The following CALN1 variants were observed in gnomAD, a reference collection of about 807,000 sequenced individuals.
CALN1 encodes the protein calneuron 1.
In CALN1, 17 loss-of-function variants were observed where a neutral mutation model predicts 30.6. The observed-to-expected ratio is 0.56, with a 90% CI of 0.38 to 0.83. CALN1 has a LOEUF of 0.83. Ranked by LOEUF, CALN1 falls within the 40% of genes least tolerant of loss-of-function variation. The pLI is 0.00. For synonymous variants in CALN1, 156 were observed against 131.4 expected, an observed-to-expected ratio of 1.19 and a Z score of -1.28; for missense variants, 291 against 354.9, an observed-to-expected ratio of 0.82 and a Z score of 1.45.
chr7:72,286,123 CAG>C (rs951119726), intron 2 of CALN1, among the ~76,000 whole-genome samples: 3 of 152,152 alleles, frequency 2.0e-5, no homozygotes, highest in African/African-American at 7.2e-5. Context: ...GACGGAATAA[CAG>C]AGTCAGATAG....
intron 5 of CALN1, among the ~76,000 whole-genome samples, chr7:72,009,126 G>C (rs1799935434): frequency 6.6e-6 from 1 of 152,050 alleles, no homozygotes; most frequent in Non-Finnish European, 1.5e-5. Context: ...AAACAAAAAA[G>C]CAGTTTATGA....
chr7:72,336,713 G>A (rs1049912268), intron 2 of CALN1: 1 of 985,172 alleles, frequency 1.0e-6, no homozygotes, highest in Non-Finnish European at 1.2e-6. Flanking sequence ...CCTCTTGCTG[G>A]GCCGGGGCTC....
intron 5 of CALN1, among the ~76,000 whole-genome samples, chr7:72,022,879 T>C (rs1800783695): frequency 6.9e-6 from 1 of 145,344 alleles, no homozygotes. Context: ...TAGAGAAATC[T>C]CCTGGTGAAG....
intron 2 of CALN1, among the ~76,000 whole-genome samples, chr7:72,290,131 G>GCATTTAATAGT (rs1332454037): frequency 1.5e-4 from 15 of 100,180 alleles, no homozygotes; most frequent in Non-Finnish European, 2.3e-4. Context: ...AAAAAAGGAT[G>GCATTTAATAGT]CATTTAATAG....
intron 2 of CALN1, among the ~76,000 whole-genome samples, chr7:72,366,682 TATTA>T (rs1166427207): frequency 6.6e-6 from 1 of 152,108 alleles, no homozygotes; most frequent in Non-Finnish European, 1.5e-5. Flanking sequence ...TAATGAATAT[TATTA>T]ATTGACATGA....
intron 2 of CALN1, among the ~76,000 whole-genome samples, chr7:72,334,397 G>A (rs1003762159): frequency 7.9e-5 from 12 of 152,132 alleles, no homozygotes; most frequent in Admixed American, 5.9e-4. Flanking sequence ...CAGTTTCTAT[G>A]AAAAAGAAAT....
Position 72,265,132 on chromosome 7 carries a change from G to A in CALN1, c.244+13554C>T, listed in dbSNP as rs574950501. ...CACCACGCCCAAGCTAAACCAGGAA[G>A]TTTTTGAGTCATTTGTTACACAGTA... On this transcript the variant is annotated intron_variant, in intron 3 of 6. Coordinates refer to ENST00000395275, the MANE Select transcript of CALN1 (RefSeq NM_031468.4). Among the ~76,000 whole-genome samples the A allele has an allele frequency of 4.6e-5, 7 of 152,178 alleles. No individual in the cohort carries two copies. In the South Asian group the frequency reaches 1.4e-3, roughly 32 times the overall value.
intron 3 of CALN1, among the ~76,000 whole-genome samples, chr7:72,127,570 G>A (rs1019621810): frequency 2.0e-5 from 3 of 152,100 alleles, no homozygotes; most frequent in Non-Finnish European, 4.4e-5. Context: ...AGTGGTCAAC[G>A]TATATATGGG....
At chr7:71,858,933 A>C (rs2116645585) in intron 5 of CALN1, among the ~76,000 whole-genome samples, 1 of 152,272 alleles carries the variant, frequency 6.6e-6, no homozygotes, top group Admixed American at 6.5e-5. Context: ...TGGCAAAATA[A>C]ACTTTCTAAA....
rs563645538 is a variant in CALN1 at position 72,025,241 on chromosome 7, C to T, written c.389-1472G>A. Among the ~76,000 whole-genome samples, 7 of 152,104 alleles carry T rather than the reference C, an allele frequency of 4.6e-5. No homozygotes were observed. In the South Asian group the frequency reaches 6.2e-4, roughly 14 times the overall value. ...AGGAGAATCGCTTGAATCTGGGAGG[C>T]GGAGGTTGCAGTGAGCCAAGATCGC... On this transcript the variant is annotated intron_variant, in intron 4 of 6. Transcript: ENST00000395275.
chr7:71,885,535 T>C (rs1792851687), intron 5 of CALN1, among the ~76,000 whole-genome samples: 2 of 152,248 alleles, frequency 1.3e-5, no homozygotes, highest in Admixed American at 1.3e-4. Flanking sequence ...CGGACCACCG[T>C]GGGCACATGT....
rs1410318846 is a variant in CALN1, at chr7:72,027,678, T to G, written c.389-3909A>C. On this transcript the variant is annotated intron_variant, in intron 4 of 6. Transcript: ENST00000395275. ...GTGAGCTAAGATGGCACCACTGCAC[T>G]CCAGCCTGGGTTGACAGAGTGAGAC... Among the ~76,000 whole-genome samples the G allele has an allele frequency of 3.3e-5, 5 of 150,870 alleles. No individual in the cohort carries two copies. The East Asian group carries it at 9.8e-4, about 30-fold the overall frequency.
At chr7:72,218,435 G>C (rs2459607) in intron 3 of CALN1, among the ~76,000 whole-genome samples, 1 of 151,882 alleles carries the variant, frequency 6.6e-6, no homozygotes, top group African/African-American at 2.4e-5. Context: ...GCAACAGAGC[G>C]AGACTCCATC....
intron 3 of CALN1, among the ~76,000 whole-genome samples, chr7:72,133,446 A>C (rs1284172130): frequency 6.6e-6 from 1 of 152,240 alleles, no homozygotes; most frequent in African/African-American, 2.4e-5. Flanking sequence ...TTACAGAATA[A>C]TGCCAAAAAA....
chr7:71,946,804 C>T (rs974134), intron 5 of CALN1, among the ~76,000 whole-genome samples: 105,018 of 151,880 alleles, frequency 0.69, 36,903 homozygotes, highest in Non-Finnish European at 0.74. Context: ...TCAGGATTTC[C>T]TGACTTTGAA....
chr7:72,137,287 T>G (rs1474131270), intron 3 of CALN1, among the ~76,000 whole-genome samples: 2 of 152,220 alleles, frequency 1.3e-5, no homozygotes, highest in South Asian at 2.1e-4. Context: ...GCTGATGTTT[T>G]GGGGCTGGAT....
chr7:72,000,656 CAAAAT>C (rs1799479001), intron 5 of CALN1, among the ~76,000 whole-genome samples: 1 of 152,136 alleles, frequency 6.6e-6, no homozygotes, highest in South Asian at 2.1e-4. Context: ...CAACTCCCCA[CAAAAT>C]AAAAGAAATA....
intron 3 of CALN1, among the ~76,000 whole-genome samples, chr7:72,142,888 A>G: frequency 6.6e-6 from 1 of 152,112 alleles, no homozygotes; most frequent in African/African-American, 2.4e-5. Flanking sequence ...CCTCCAGCAA[A>G]CTCCAACTGA....
intron 5 of CALN1, among the ~76,000 whole-genome samples, chr7:71,896,693 T>A (rs1287489404): frequency 6.6e-6 from 1 of 152,136 alleles, no homozygotes; most frequent in Non-Finnish European, 1.5e-5. Flanking sequence ...CCATCTCACA[T>A]AGGCCCTGAG....
Sources: gnomAD v4.1 joint callset for allele counts (sites outside exome capture counted in the v4.1 genomes callset) on GRCh38, gnomAD v4.1.1 for gene constraint, MANE v1.5 for transcripts, NCBI Gene and HGNC (gene_info 2026-07-23, HGNC 2026-07-21) for gene names.